PDE1A: variants seen among roughly 807,000 people sequenced by gnomAD.
PDE1A encodes phosphodiesterase 1A.
In PDE1A, 35 loss-of-function variants were observed where a neutral mutation model predicts 61.7. The observed-to-expected ratio is 0.57, with a 90% CI of 0.43 to 0.75. PDE1A has a LOEUF of 0.75. Among genes scored for constraint, PDE1A ranks in the 30% least tolerant of loss-of-function variants. PDE1A has a pLI of 0.00. For missense variants in PDE1A, 597 were observed against 630.6 expected (o/e 0.95, Z 0.57); for synonymous variants, 232 against 213.2 (o/e 1.09, Z -0.77).
At chr2:182,165,147 T>C (rs902132819), downstream of PDE1A, among the ~76,000 whole-genome samples, 1 of 152,104 alleles carries the variant, frequency 6.6e-6, no homozygotes, top group Non-Finnish European at 1.5e-5. Flanking sequence ...GTTTCTCCCA[T>C]AGCCAGGAGT....
chr2:182,560,807 A>C, the PDE1A span, among the ~76,000 whole-genome samples: 13 of 152,042 alleles, frequency 8.6e-5, no homozygotes, highest in African/African-American at 3.1e-4. Flanking sequence ...CATTTCTCTG[A>C]TGGCCAGTGA....
chr2:182,155,239 C>T (rs544305508), intron 13 of PDE1A, among the ~76,000 whole-genome samples: 1 of 152,012 alleles, frequency 6.6e-6, no homozygotes, highest in Admixed American at 6.6e-5. Context: ...ACAAGCACAC[C>T]ACCATGCCCA....
intron 2 of PDE1A, among the ~76,000 whole-genome samples, chr2:182,465,883 A>G (rs1162775737): frequency 6.6e-6 from 1 of 152,116 alleles, no homozygotes; most frequent in African/African-American, 2.4e-5. Flanking sequence ...TAAACAGTTT[A>G]CTTTTGTGGC....
chr2:182,212,571 A>G (rs1289608662), intron 7 of PDE1A, among the ~76,000 whole-genome samples: 1 of 152,196 alleles, frequency 6.6e-6, no homozygotes, highest in Non-Finnish European at 1.5e-5. Flanking sequence ...ACCGTGCGCA[A>G]GCCGAAGCAG....
At chr2:182,345,419 C>T (rs1047359567) in intron 1 of PDE1A, among the ~76,000 whole-genome samples, 5 of 152,166 alleles carry the variant, frequency 3.3e-5, no homozygotes, top group South Asian at 2.1e-4. Flanking sequence ...TTTCCTGCTT[C>T]GTCTCTTAGC....
At chr2:182,637,740 A>G in the PDE1A span, among the ~76,000 whole-genome samples, 1 of 151,928 alleles carries the variant, frequency 6.6e-6, no homozygotes, top group East Asian at 1.9e-4. Context: ...TCCCAACGTG[A>G]TGAAACCCCA....
At chr2:182,683,840 C>T in the PDE1A span, among the ~76,000 whole-genome samples, 1 of 152,070 alleles carries the variant, frequency 6.6e-6, no homozygotes, top group African/African-American at 2.4e-5. Flanking sequence ...CAAAATGGGG[C>T]TGGGAGCGGG....
At chr2:182,256,446 C>T (rs1462802901) in intron 2 of PDE1A, among the ~76,000 whole-genome samples, 1 of 152,086 alleles carries the variant, frequency 6.6e-6, no homozygotes, top group African/African-American at 2.4e-5. Context: ...TAGTATAAGT[C>T]AGTGTGGCGA....
chr2:182,220,447 GT>G lies in PDE1A; in HGVS notation c.776+3416del, dbSNP rs557419354. Among the ~76,000 whole-genome samples the G allele has an allele frequency of 2.1e-3, 314 of 152,180 alleles. 3 individuals carry two copies. The highest frequency in any genetic ancestry group is 7.3e-3 in the African/African-American group (304 of 41,534). On this transcript the variant is annotated intron_variant, in intron 7 of 13. Transcript: ENST00000351439. ...TACTCTTTCAGAAACAAGCTAAAAT[GT>G]GTTTTTGAACCAGATTTAATTGTAG...
chr2:182,340,039 C>G (rs1318832131), intron 1 of PDE1A, among the ~76,000 whole-genome samples: 3 of 152,122 alleles, frequency 2.0e-5, no homozygotes, highest in Non-Finnish European at 2.9e-5. Flanking sequence ...TGAGATTATA[C>G]TGTAAAATGC....
chr2:182,570,837 T>C, the PDE1A span, among the ~76,000 whole-genome samples: 3 of 152,178 alleles, frequency 2.0e-5, no homozygotes, highest in African/African-American at 4.8e-5. Flanking sequence ...AAAAGCTGTA[T>C]GAGAAAATGG....
intron 2 of PDE1A, chr2:182,463,757 C>A (rs932102242): frequency 6.6e-6 from 1 of 151,888 alleles, no homozygotes. Flanking sequence ...TGTCCAAGTC[C>A]CTGTAAGGTT....
intron 2 of PDE1A, among the ~76,000 whole-genome samples, chr2:182,493,962 T>A (rs948712238): frequency 1.3e-5 from 2 of 152,256 alleles, no homozygotes; most frequent in African/African-American, 4.8e-5. Context: ...TTGCAATGCA[T>A]GCTTTACCAC....
rs10649015 is a variant in PDE1A, at chr2:182,432,423, CTGT to C, written c.101+89850_101+89852del. ...GTATCTTTTTTTAAATTGAGCTTTG[CTGT>C]TGTTGTTGTTGTTGTTGTTGTAGTT... is the stretch of plus-strand genomic sequence containing the variant. On this transcript the variant is annotated intron_variant, in intron 2 of 14. Transcript: ENST00000410103. Among the ~76,000 whole-genome samples the C allele has an allele frequency of 3.1e-3, 464 of 150,928 alleles. 2 individuals are homozygous for C. Among genetic ancestry groups the C allele is most frequent in the African/African-American group, 5.6e-3 (230 of 40,974 alleles).
At chr2:182,197,669 G>A (rs1479228508) in intron 10 of PDE1A, among the ~76,000 whole-genome samples, 2 of 151,828 alleles carry the variant, frequency 1.3e-5, no homozygotes, top group East Asian at 3.9e-4. Flanking sequence ...CTTTCCCCAT[G>A]TAGTTGTTTT....
At chr2:182,698,413 T>C in the PDE1A span, among the ~76,000 whole-genome samples, 2 of 152,052 alleles carry the variant, frequency 1.3e-5, no homozygotes, top group Non-Finnish European at 2.9e-5. Flanking sequence ...GCACTATTTG[T>C]ATGAGCAAAG....
the PDE1A span, among the ~76,000 whole-genome samples, chr2:182,712,420 C>T: frequency 6.6e-6 from 1 of 152,124 alleles, no homozygotes; most frequent in Non-Finnish European, 1.5e-5. Flanking sequence ...AGGAGAATGT[C>T]CTTGTTTGTT....
At chr2:182,439,877 G>A (rs753182451) in intron 2 of PDE1A, among the ~76,000 whole-genome samples, 32 of 152,036 alleles carry the variant, frequency 2.1e-4, no homozygotes, top group Non-Finnish European at 2.9e-4. Context: ...ATTTTACTTT[G>A]AGCAAGTTGT....
the PDE1A span, among the ~76,000 whole-genome samples, chr2:182,645,710 A>G: frequency 8.5e-5 from 13 of 152,324 alleles, no homozygotes; most frequent in African/African-American, 3.1e-4. Context: ...AATGAAAAGA[A>G]AAAAAATTAA....
Sources: gnomAD v4.1 joint callset for allele counts (sites outside exome capture counted in the v4.1 genomes callset) on GRCh38, gnomAD v4.1.1 for gene constraint, MANE v1.5 for transcripts, NCBI Gene and HGNC (gene_info 2026-07-23, HGNC 2026-07-21) for gene names.